Variants in GABRA1 observed in about 807,000 individuals in gnomAD.
The protein encoded by GABRA1 is gamma-aminobutyric acid receptor subunit alpha-1.
A neutral mutation model predicts 48.9 loss-of-function variants in GABRA1; 9 were observed. The observed-to-expected ratio is 0.18, with a 90% CI of 0.11 to 0.32. The LOEUF is 0.32. GABRA1 is among the 10% of genes least tolerant of loss of function. The pLI is 1.00. For synonymous variants in GABRA1, 210 were observed against 198.7 expected, an observed-to-expected ratio of 1.06 and a Z score of -0.48; for missense variants, 285 against 553.8, an observed-to-expected ratio of 0.51 and a Z score of 4.87.
At chr5:161,876,321 G>A (rs1338347496) in intron 6 of GABRA1, among the ~76,000 whole-genome samples, 1 of 152,042 alleles carries the variant, frequency 6.6e-6, no homozygotes. Context: ...TGAGAGTCAG[G>A]TTCTCCGGTC....
chr5:161,860,095 T>C (rs1229644804), intron 3 of GABRA1, among the ~76,000 whole-genome samples: 1 of 151,822 alleles, frequency 6.6e-6, no homozygotes, highest in African/African-American at 2.4e-5. Flanking sequence ...GAAAAGGTAG[T>C]TACCAAAACC....
chr5:161,853,053 C>A (rs1477773563), intron 2 of GABRA1, among the ~76,000 whole-genome samples: 1 of 151,716 alleles, frequency 6.6e-6, no homozygotes, highest in Non-Finnish European at 1.5e-5. Context: ...AGTTTACACC[C>A]TATATTCATT....
At chr5:161,879,617 G>A (rs1442131361) in intron 6 of GABRA1, among the ~76,000 whole-genome samples, 1 of 151,952 alleles carries the variant, frequency 6.6e-6, no homozygotes, top group Non-Finnish European at 1.5e-5. Flanking sequence ...CTTTGCTAAG[G>A]CCTTAAGTAT....
intron 2 of GABRA1, 111 bp downstream of exon 2, chr5:161,850,995 A>C: frequency 1.2e-6 from 1 of 856,572 alleles, no homozygotes; most frequent in South Asian, 1.4e-5. Flanking sequence ...GAATTCAGAA[A>C]ACTTAACTGC....
At chr5:161,872,093 T>G (rs188717881) in intron 4 of GABRA1, 14 of 152,768 alleles carry the variant, frequency 9.2e-5, no homozygotes, top group African/African-American at 3.1e-4. Context: ...GTAAAAGGGC[T>G]TAAAGGATTA....
Position 161,896,377 on chromosome 5 carries a change from A to G in GABRA1, c.1059+509A>G, listed in dbSNP as rs1038201140. On this transcript the variant is annotated intron_variant, in intron 9 of 9. Coordinates refer to ENST00000393943, the MANE Select transcript of GABRA1 (RefSeq NM_001127644.2). ...GGGCAGGCACATTTTCTCTTTCCAA[A>G]ATAGACATATGCTTTAGGGATCATA... 1.2e-4 allele frequency among the ~76,000 whole-genome samples: 18 copies of G among 152,184 alleles called. 1 individual carries two copies. Among genetic ancestry groups the G allele is most frequent in the African/African-American group, 3.9e-4 (16 of 41,444 alleles).
rs187745223 is a variant in GABRA1, at chr5:161,895,089, A to G, written c.857-577A>G. ...ATGAGACACACATGTTTCTATCTAT[A>G]TATGTCAGATTTAGGAATTTCTTTA... On this transcript the variant is annotated intron_variant, in intron 8 of 9. Coordinates refer to ENST00000393943, the MANE Select transcript of GABRA1 (RefSeq NM_001127644.2). Among the ~76,000 whole-genome samples, 799 of 152,138 alleles carry G rather than the reference A, an allele frequency of 5.3e-3. 3 individuals are homozygous for G. Among genetic ancestry groups the G allele is most frequent in the Non-Finnish European group, 8.0e-3 (547 of 67,990 alleles).
chr5:161,880,586 A>C (rs62381656), intron 6 of GABRA1, among the ~76,000 whole-genome samples: 5,663 of 152,282 alleles, frequency 0.037, 165 homozygotes, highest in Non-Finnish European at 0.057. Flanking sequence ...TGAACCACTA[A>C]ATTTTTAGTT....
At chr5:161,869,717 ACT>A (rs1688860454) in intron 4 of GABRA1, among the ~76,000 whole-genome samples, 1 of 152,220 alleles carries the variant, frequency 6.6e-6, no homozygotes, top group East Asian at 1.9e-4. Flanking sequence ...TCAGACTAAG[ACT>A]CACATTCTCC....
At chr5:161,865,904 G>A (rs1171444243) in intron 4 of GABRA1, 116 bp downstream of exon 4, 1 of 774,640 alleles carries the variant, frequency 1.3e-6, no homozygotes, top group Non-Finnish European at 2.3e-6. Context: ...CTATACTTTT[G>A]TGTCTTTCTG....
chr5:161,873,601 C>G (rs529534471), intron 5 of GABRA1, among the ~76,000 whole-genome samples: 1 of 152,280 alleles, frequency 6.6e-6, no homozygotes, highest in Non-Finnish European at 1.5e-5. Flanking sequence ...GGAACTTCCT[C>G]TCCCTACTAT....
chr5:161,893,011 ATAATAATAATAAT>A (rs1228102342), intron 8 of GABRA1, among the ~76,000 whole-genome samples: 1 of 100,922 alleles, frequency 9.9e-6, no homozygotes, highest in Non-Finnish European at 2.1e-5. Flanking sequence ...TCTCAAAAAA[ATAATAATAATAAT>A]AATAATAATA....
At chr5:161,884,158 T>A (rs1461248108) in intron 7 of GABRA1, among the ~76,000 whole-genome samples, 1 of 152,152 alleles carries the variant, frequency 6.6e-6, no homozygotes, top group Non-Finnish European at 1.5e-5. Context: ...GTAAGAGCTG[T>A]TGCTATGGTC....
chr5:161,856,086 T>A (rs1219812968), intron 3 of GABRA1, among the ~76,000 whole-genome samples: 1 of 151,324 alleles, frequency 6.6e-6, no homozygotes, highest in Non-Finnish European at 1.5e-5. Context: ...AATAAATGTA[T>A]ACTTTAACCC....
At chr5:161,857,373 T>G (rs1757689197) in intron 3 of GABRA1, among the ~76,000 whole-genome samples, 1 of 151,678 alleles carries the variant, frequency 6.6e-6, no homozygotes, top group South Asian at 2.1e-4. Context: ...ACCTGTTTTT[T>G]AGAAACACAC....
intron 1 of GABRA1, among the ~76,000 whole-genome samples, chr5:161,849,639 A>G (rs1757359491): frequency 6.6e-6 from 1 of 152,234 alleles, no homozygotes; most frequent in African/African-American, 2.4e-5. Context: ...ACATTAAACT[A>G]TAGAGGGTTT....
chr5:161,895,661 TACAGG>T lies in GABRA1; in HGVS notation c.857-3_858del. Reference sequence around the variant, plus strand: ...CATCATGTATGTTTTTTTTTTTCTTTACAGGAGTAACAACTGTGCTCACCATGACA... The same window carrying T: ...CATCATGTATGTTTTTTTTTTTCTTTAGTAACAACTGTGCTCACCATGACA... On this transcript the variant is annotated splice_acceptor_variant and splice_polypyrimidine_tract_variant and coding_sequence_variant and intron_variant, in exon 9 of 10. Transcript: ENST00000393943. LOFTEE classifies it high-confidence loss of function. 1 of 1,613,348 alleles carries T rather than the reference TACAGG, an allele frequency of 6.2e-7. No homozygotes were observed. Among genetic ancestry groups the T allele is most frequent in the Non-Finnish European group, 8.5e-7 (1 of 1,179,480 alleles).
chr5:161,849,050 G>C (rs918283964), intron 1 of GABRA1: 8 of 445,792 alleles, frequency 1.8e-5, no homozygotes, highest in Admixed American at 1.4e-4. Flanking sequence ...CGTTTGGAGC[G>C]TGTGTCTGGG....
chr5:161,870,137 T>C (rs1440939680), intron 4 of GABRA1, among the ~76,000 whole-genome samples: 1 of 152,128 alleles, frequency 6.6e-6, no homozygotes. Context: ...ATTTTATAGA[T>C]TAAGAAACTG....
Sources: gnomAD v4.1 joint callset for allele counts (sites outside exome capture counted in the v4.1 genomes callset) on GRCh38, gnomAD v4.1.1 for gene constraint, MANE v1.5 for transcripts, NCBI Gene and HGNC (gene_info 2026-07-23, HGNC 2026-07-21) for gene names.